FRMPD4: variants seen among roughly 807,000 people sequenced by gnomAD.
FRMPD4 encodes FERM and PDZ domain-containing protein 4.
In FRMPD4, 22 loss-of-function variants were observed where a neutral mutation model predicts 94.1. That is an observed-to-expected ratio of 0.23 (90% confidence interval 0.17 to 0.33). The LOEUF (loss-of-function observed/expected upper bound fraction) is 0.33, where lower values mean the gene tolerates loss of function less well. FRMPD4 is among the 10% of genes least tolerant of loss of function. The pLI is 1.00. For missense variants in FRMPD4, 1,111 were observed against 1,339.9 expected (o/e 0.83, Z 2.67); for synonymous variants, 631 against 548.6 (o/e 1.15, Z -2.10).
chrX:12,529,988 T>G (rs2058268089), intron 2 of FRMPD4, among the ~76,000 whole-genome samples: 1 of 111,045 alleles, frequency 9.0e-6, no homozygotes, highest in South Asian at 3.9e-4. Context: ...TGAGCCCTTT[T>G]GACCTAGTCA....
intron 2 of FRMPD4, among the ~76,000 whole-genome samples, chrX:12,531,051 A>G (rs1602081066): frequency 9.0e-6 from 1 of 111,433 alleles, no homozygotes; most frequent in African/African-American, 3.3e-5. Context: ...AATGGTGGAA[A>G]GAACAAGGAG....
At chrX:12,004,556 T>C (rs1208881254) in intron 3 of FRMPD4, among the ~76,000 whole-genome samples, 1 of 112,017 alleles carries the variant, frequency 8.9e-6, no homozygotes, top group Non-Finnish European at 1.9e-5. Flanking sequence ...TGGTGTTGGC[T>C]GACCCACTTA....
At chrX:11,855,081 C>T (rs773964561) in intron 1 of FRMPD4, among the ~76,000 whole-genome samples, 18 of 112,652 alleles carry the variant, frequency 1.6e-4, no homozygotes, top group Non-Finnish European at 2.3e-4. Flanking sequence ...GATTTCTGTG[C>T]ACCCACAGGC....
intron 2 of FRMPD4, among the ~76,000 whole-genome samples, chrX:12,601,592 A>G (rs1178408622): frequency 8.9e-6 from 1 of 112,175 alleles, no homozygotes; most frequent in Non-Finnish European, 1.9e-5. Flanking sequence ...CATGTAGCAC[A>G]TATAAATCTT....
intron 3 of FRMPD4, among the ~76,000 whole-genome samples, chrX:11,944,217 A>G (rs1185549676): frequency 1.8e-5 from 2 of 112,131 alleles, no homozygotes. Flanking sequence ...TAATGCTTTT[A>G]TAGTCATCTT....
chrX:12,338,722 T>A (rs1266671591), intron 1 of FRMPD4, among the ~76,000 whole-genome samples: 1 of 112,493 alleles, frequency 8.9e-6, no homozygotes, highest in East Asian at 2.8e-4. Context: ...GGTGCAGTAT[T>A]TAAGTTTTAC....
chrX:12,115,537 T>C (rs930831001), intron 3 of FRMPD4, among the ~76,000 whole-genome samples: 2 of 110,961 alleles, frequency 1.8e-5, no homozygotes, highest in Non-Finnish European at 3.8e-5. Context: ...CATGGTGTTG[T>C]TCCCTTGACA....
intron 3 of FRMPD4, among the ~76,000 whole-genome samples, chrX:11,982,932 T>C (rs2054404791): frequency 1.8e-5 from 2 of 111,818 alleles, no homozygotes; most frequent in South Asian, 7.4e-4. Flanking sequence ...TCATGTTGTT[T>C]TGTCTATTTT....
intron 1 of FRMPD4, among the ~76,000 whole-genome samples, chrX:12,179,046 T>C (rs1255558723): frequency 8.9e-6 from 1 of 112,105 alleles, no homozygotes; most frequent in Non-Finnish European, 1.9e-5. Context: ...TCTGTCTGCA[T>C]TCATCTGGGG....
At chrX:11,917,457 A>T (rs748420645) in intron 3 of FRMPD4, among the ~76,000 whole-genome samples, 14 of 112,248 alleles carry the variant, frequency 1.2e-4, no homozygotes, top group African/African-American at 4.5e-4. Context: ...TCATCACAGC[A>T]CTATTCACAA....
chrX:12,429,115 A>G (rs73436735), intron 1 of FRMPD4, among the ~76,000 whole-genome samples: 2,264 of 111,426 alleles, frequency 0.02, 64 homozygotes, highest in African/African-American at 0.069. Flanking sequence ...AGCTGATAAC[A>G]AGCCTGGGTG....
chrX:12,416,411 T>C (rs924914426), intron 1 of FRMPD4, among the ~76,000 whole-genome samples: 12 of 112,123 alleles, frequency 1.1e-4, no homozygotes, highest in African/African-American at 2.9e-4. Flanking sequence ...TGGGAATCCA[T>C]TGTTACTTTG....
At chrX:12,192,831 C>T (rs946383213) in intron 1 of FRMPD4, among the ~76,000 whole-genome samples, 5 of 111,600 alleles carry the variant, frequency 4.5e-5, no homozygotes, top group Non-Finnish European at 7.5e-5. Flanking sequence ...GATGCTGATG[C>T]TGCTGATCCA....
At chrX:12,064,382 T>C (rs754983784) in intron 3 of FRMPD4, among the ~76,000 whole-genome samples, 3 of 111,917 alleles carry the variant, frequency 2.7e-5, no homozygotes, top group African/African-American at 6.5e-5. Context: ...GAGAGTACCA[T>C]ATCCCTGGCA....
intron 1 of FRMPD4, among the ~76,000 whole-genome samples, chrX:12,427,421 G>A (rs904963527): frequency 1.8e-5 from 2 of 110,758 alleles, no homozygotes; most frequent in Middle Eastern, 4.6e-3. Context: ...TCAAGCTAAG[G>A]GTACTAGATG....
At chrX:11,854,723 G>A (rs1007670437) in intron 1 of FRMPD4, among the ~76,000 whole-genome samples, 1 of 112,692 alleles carries the variant, frequency 8.9e-6, no homozygotes, top group Admixed American at 9.3e-5. Context: ...GGCTCCCATG[G>A]CATGGGGCAG....
intron 1 of FRMPD4, among the ~76,000 whole-genome samples, chrX:12,347,926 G>A (rs2055740020): frequency 9.0e-6 from 1 of 111,552 alleles, no homozygotes; most frequent in South Asian, 3.7e-4. Context: ...GCAGAATGAT[G>A]TAATTTAAAA....
At chrX:12,676,512 T>G (rs762288408) in intron 5 of FRMPD4, among the ~76,000 whole-genome samples, 1 of 112,725 alleles carries the variant, frequency 8.9e-6, no homozygotes, top group East Asian at 2.8e-4. Flanking sequence ...TATTGTATAA[T>G]CTATTAGAAA....
At chrX:12,671,983 T>A (rs2059848832) in intron 4 of FRMPD4, among the ~76,000 whole-genome samples, 1 of 111,824 alleles carries the variant, frequency 8.9e-6, no homozygotes, top group Non-Finnish European at 1.9e-5. Context: ...CATGTAATAG[T>A]CAAAACTTCC....
Sources: allele counts gnomAD v4.1 joint callset (sites outside exome capture counted in the v4.1 genomes callset), GRCh38; gene constraint gnomAD v4.1.1; transcripts MANE v1.5; gene names NCBI Gene and HGNC (gene_info 2026-07-23, HGNC 2026-07-21).